Variants in ZNF440 observed in about 807,000 individuals in gnomAD.
The protein encoded by ZNF440 is zinc finger protein 440.
Under a neutral mutation model 49.7 loss-of-function variants are expected in ZNF440, and 47 were observed. The ratio of observed to expected loss-of-function variants is 0.95; its 90% CI spans 0.75 to 1.21. ZNF440 has a LOEUF of 1.21. Among genes scored for constraint, ZNF440 ranks in the 50% most tolerant of loss-of-function variants. ZNF440 has a pLI of 0.00. For missense variants in ZNF440, 703 were observed against 715.0 expected (o/e 0.98, Z 0.19); for synonymous variants, 255 against 237.7 (o/e 1.07, Z -0.67).
At position 11,814,413 on chromosome 19, in the gene ZNF440, C is replaced by G. The variant is rs765855792; in HGVS notation, c.-35C>G. The G allele has an allele frequency of 6.4e-7, 1 of 1,559,348 alleles. No individual in the cohort carries two copies. The highest frequency in any genetic ancestry group is 8.7e-7 in the Non-Finnish European group (1 of 1,154,352). ...TGACCTACACTAGTCGCGGGAGCCA[C>G]GCAGAGGACGCCGGAACACCCTGGA... On this transcript the variant is annotated 5_prime_UTR_variant, in exon 1 of 4. Coordinates refer to ENST00000304060, the MANE Select transcript of ZNF440 (RefSeq NM_152357.3).
At chr19:11,815,899 A>C (rs988677817) in intron 1 of ZNF440, 2 of 152,258 alleles carry the variant, frequency 1.3e-5, no homozygotes, top group African/African-American at 4.8e-5. Context: ...TCCATCTCAA[A>C]ACAACAACAA....
intron 1 of ZNF440, among the ~76,000 whole-genome samples, chr19:11,814,973 GT>G (rs1568237433): frequency 6.6e-6 from 1 of 151,974 alleles, no homozygotes; most frequent in African/African-American, 2.4e-5. Flanking sequence ...ATAGGCTAAG[GT>G]TTAAAATTAA....
In ZNF440 at chr19:11,832,847, CT is replaced by C. The variant is rs1568245216; in HGVS notation, c.1674del (p.Phe558LeufsTer5). The C allele has an allele frequency of 6.2e-7, 1 of 1,612,588 alleles. No individual in the cohort carries two copies. On this transcript the variant is annotated frameshift_variant, in exon 4 of 4. Transcript: ENST00000304060. LOFTEE classifies it high-confidence loss of function. ...GAAAGCCTTCAGATCTGCCCCACAC[CT>C]TTGAATACGTGGTAGGACACACAAT... ...DGKPSDLPHTFEYVVGHTMER... is the reference protein window; with the variant it reads ...DGKPSDLPHTXEYVVGHTMER...
chr19:11,832,589 A>G lies in ZNF440; in HGVS notation c.1413A>G (p.Lys471=). ...GTGGGAAAGGCTTTTATTGTCCCAAATCATTTCAAAGACATGAAAAAACTC... is the reference window on the plus strand; with the variant it reads ...GTGGGAAAGGCTTTTATTGTCCCAAGTCATTTCAAAGACATGAAAAAACTC... ...KICGKGFYCP[K]SFQRHEKTHT... The change falls in exon 4 of 4, where the codon AAA becomes AAG. Residue 471 remains lysine (K), a synonymous_variant. Transcript: ENST00000304060. 5.0e-6 allele frequency: 8 copies of G among 1,612,872 alleles called. No homozygotes were observed. Among genetic ancestry groups the G allele is most frequent in the Non-Finnish European group, 5.1e-6 (6 of 1,179,684 alleles).
rs371201251 is a variant in ZNF440 at position 11,831,910 on chromosome 19, T to C, written c.734T>C (p.Ile245Thr). ...KSFSYSATHR[I>T]HKRTHTGEKP... ...TTTAGTTATTCTGCTACCCATCGAA[T>C]ACATAAAAGAACTCACACTGGAGAA... Residue 245 changes from isoleucine to threonine, a missense_variant, in exon 4 of 4, where the codon ATA (isoleucine) becomes ACA (threonine). Coordinates refer to ENST00000304060, the MANE Select transcript of ZNF440 (RefSeq NM_152357.3). The C allele has an allele frequency of 1.3e-5, 21 of 1,613,678 alleles. No individual in the cohort carries two copies. The highest frequency in any genetic ancestry group is 1.7e-5 in the Non-Finnish European group (20 of 1,179,914).
chr19:11,833,725 C>T lies in ZNF440; in HGVS notation c.*761C>T. 2 of 766,146 alleles carry T rather than the reference C, an allele frequency of 2.6e-6. No individual in the cohort carries two copies. The highest frequency in any genetic ancestry group is 3.8e-5 in the South Asian group (2 of 52,226). 47.5% of individuals were successfully genotyped at this position (766,146 alleles called of 1,614,324 possible). On this transcript the variant is annotated 3_prime_UTR_variant, in exon 4 of 4. Coordinates refer to ENST00000304060, the MANE Select transcript of ZNF440 (RefSeq NM_152357.3). ...CTTCAATATCATGAAAGGACTCACA[C>T]TGGAGAGAAGCCCTATGAATATAAG...
chr19:11,830,717 C>G (rs35392612), intron 3 of ZNF440, 40 bp downstream of exon 3: 546,407 of 1,592,754 alleles, frequency 0.34, 96,833 homozygotes, highest in Non-Finnish European at 0.37. Flanking sequence ...TCTCTCTAGA[C>G]AATCTTAGAA....
In ZNF440 at chr19:11,814,412, A is replaced by C. The variant is rs1209823909; in HGVS notation, c.-36A>C. 6.4e-7 allele frequency: 1 copy of C among 1,560,336 alleles called. No homozygotes were observed. The highest frequency in any genetic ancestry group is 1.2e-5 in the South Asian group (1 of 85,200). The stretch of plus-strand genomic sequence containing the variant: ...GTGACCTACACTAGTCGCGGGAGCC[A>C]CGCAGAGGACGCCGGAACACCCTGG... On this transcript the variant is annotated 5_prime_UTR_variant, in exon 1 of 4. Transcript: ENST00000304060.
At position 11,817,132 on chromosome 19, in the gene ZNF440, G is replaced by A. The variant is rs571539846; in HGVS notation, c.3+2682G>A. 17 of 152,262 alleles carry A rather than the reference G, an allele frequency of 1.1e-4. No homozygotes were observed. The East Asian group carries it at 2.7e-3, about 24-fold the overall frequency. 9.4% of individuals were successfully genotyped at this position (152,262 alleles called of 1,614,324 possible). A position where few individuals can be genotyped will look rare whatever the true frequency, so the allele number is the denominator to read the frequency against. ...AAAAAGATAGCAATGGCCCATTTGG[G>A]AAAAACACAGACTCCAGAGAAATGG... On this transcript the variant is annotated intron_variant, in intron 1 of 3. Coordinates refer to ENST00000304060, the MANE Select transcript of ZNF440 (RefSeq NM_152357.3).
Position 11,832,203 on chromosome 19 carries a change from A to G in ZNF440, c.1027A>G (p.Lys343Glu). Residue 343 changes from lysine (K) to glutamate (E), a missense_variant, in exon 4 of 4, where the codon AAG (lysine) becomes GAG (glutamate). Physicochemically the swap from Lys to Glu is moderately conservative, Grantham distance 56 (BLOSUM62 1). Coordinates refer to ENST00000304060, the MANE Select transcript of ZNF440 (RefSeq NM_152357.3). ...LHSGERPYEC[K>E]ICGKDFCSVN... is the part of the protein sequence containing the mutation. Reference sequence around the variant, plus strand: ...CTCTGGAGAAAGACCTTATGAATGTAAGATATGTGGAAAAGACTTTTGTTC... The same window carrying G: ...CTCTGGAGAAAGACCTTATGAATGTGAGATATGTGGAAAAGACTTTTGTTC... 6.2e-7 allele frequency: 1 copy of G among 1,614,212 alleles called. No homozygotes were observed. Among genetic ancestry groups the G allele is most frequent in the South Asian group, 1.1e-5 (1 of 91,084 alleles).
chr19:11,814,356 C>T lies in ZNF440; in HGVS notation c.-92C>T, dbSNP rs1444144625. 6 of 1,418,238 alleles carry T rather than the reference C, an allele frequency of 4.2e-6. No homozygotes were observed. The highest frequency in any genetic ancestry group is 5.6e-6 in the Non-Finnish European group (6 of 1,067,294). 87.9% of individuals were successfully genotyped at this position (1,418,238 alleles called of 1,614,324 possible). A position where few individuals can be genotyped will look rare whatever the true frequency, so the allele number is the denominator to read the frequency against. On this transcript the variant is annotated 5_prime_UTR_variant, in exon 1 of 4. Coordinates refer to ENST00000304060, the MANE Select transcript of ZNF440 (RefSeq NM_152357.3). ...CTTCGAGAGGGACTAGGTGCCTCCA[C>T]CAGAGCTTCTGTCGCTCTGTAACCT...
intron 1 of ZNF440, among the ~76,000 whole-genome samples, chr19:11,825,500 G>A (rs1288755138): frequency 6.6e-6 from 1 of 152,112 alleles, no homozygotes; most frequent in African/African-American, 2.4e-5. Flanking sequence ...AACAAATGAT[G>A]ATGTTCCTGC....
At chr19:11,830,108 A>T in intron 1 of ZNF440, 175 bp from the exon 2 acceptor site, 2 of 1,357,302 alleles carry the variant, frequency 1.5e-6, no homozygotes, top group African/African-American at 1.5e-5. Context: ...GAAAAAAAAA[A>T]CAAGTTGCTT....
intron 1 of ZNF440, among the ~76,000 whole-genome samples, chr19:11,819,900 T>G (rs1975778131): frequency 6.6e-6 from 1 of 152,244 alleles, no homozygotes; most frequent in Non-Finnish European, 1.5e-5. Context: ...TCATTGCTTC[T>G]TATTTAAATT....
intron 1 of ZNF440, 31 bp downstream of exon 1, chr19:11,814,481 C>CT: frequency 1.3e-6 from 2 of 1,508,530 alleles, no homozygotes; most frequent in Non-Finnish European, 1.8e-6. Flanking sequence ...GTCCGGGCGA[C>CT]TGGGAGAGGG....
At chr19:11,828,265 C>T (rs745835540) in intron 1 of ZNF440, among the ~76,000 whole-genome samples, 6 of 149,850 alleles carry the variant, frequency 4.0e-5, no homozygotes, top group African/African-American at 1.5e-4. Flanking sequence ...GCAATCTCGG[C>T]TCACTGCAAC....
intron 1 of ZNF440, among the ~76,000 whole-genome samples, chr19:11,825,107 C>T (rs1360002296): frequency 4.0e-5 from 6 of 151,488 alleles, no homozygotes; most frequent in Non-Finnish European, 8.8e-5. Flanking sequence ...AGCTTGGACT[C>T]GGGAGTTGGA....
Position 11,833,750 on chromosome 19 carries a change from G to T in ZNF440, c.*786G>T, listed in dbSNP as rs1159702068. 1.2e-6 allele frequency: 1 copy of T among 815,272 alleles called. No homozygotes were observed. Among genetic ancestry groups the T allele is most frequent in the Non-Finnish European group, 1.8e-6 (1 of 548,940 alleles). The allele number at this position is 815,272 out of a possible 1,614,324, so 50.5% of individuals were successfully genotyped here. A position where few individuals can be genotyped will look rare whatever the true frequency, so the allele number is the denominator to read the frequency against. On this transcript the variant is annotated 3_prime_UTR_variant, in exon 4 of 4. Transcript: ENST00000304060. ...CTGGAGAGAAGCCCTATGAATATAAGCAATGTGGGAAAGCCTTCAGATCAG... is the reference window on the plus strand; with the variant it reads ...CTGGAGAGAAGCCCTATGAATATAATCAATGTGGGAAAGCCTTCAGATCAG...
At position 11,833,501 on chromosome 19, in the gene ZNF440, C is replaced by T; in HGVS notation, c.*537C>T. On this transcript the variant is annotated 3_prime_UTR_variant, in exon 4 of 4. Transcript: ENST00000304060. Reference sequence around the variant, plus strand: ...TGGAAGGAAACACTATGAATGCAAGCAATGTGGCAAAGCTTTCACTTCTTC... The same window carrying T: ...TGGAAGGAAACACTATGAATGCAAGTAATGTGGCAAAGCTTTCACTTCTTC... 3.1e-6 allele frequency: 1 copy of T among 322,536 alleles called. No homozygotes were observed. The allele number at this position is 322,536 out of a possible 1,614,324, so 20.0% of individuals were successfully genotyped here. A position where few individuals can be genotyped will look rare whatever the true frequency, so the allele number is the denominator to read the frequency against.
Sources: allele counts gnomAD v4.1 joint callset (sites outside exome capture counted in the v4.1 genomes callset), GRCh38; gene constraint gnomAD v4.1.1; transcripts MANE v1.5; gene names NCBI Gene and HGNC (gene_info 2026-07-23, HGNC 2026-07-21).